Variants in NRXN1 observed in about 807,000 individuals in gnomAD.
NRXN1 encodes the protein neurexin 1, also known as neurexin-1.
Under a neutral mutation model 150.9 loss-of-function variants are expected in NRXN1, and 39 were observed. That is an observed-to-expected ratio of 0.26 (90% CI 0.20 to 0.34). The LOEUF (loss-of-function observed/expected upper bound fraction) is 0.34. Ranked by LOEUF, NRXN1 falls within the 10% of genes least tolerant of loss-of-function variation. The pLI is 1.00. For missense variants in NRXN1, 1,815 were observed against 1,949.9 expected (o/e 0.93, Z 1.30); for synonymous variants, 924 against 757.0 (o/e 1.22, Z -3.62).
chr2:50,828,860 T>C (rs1289653473), intron 5 of NRXN1, among the ~76,000 whole-genome samples: 2 of 152,134 alleles, frequency 1.3e-5, no homozygotes, highest in Admixed American at 6.5e-5. Flanking sequence ...CTCGGCACTT[T>C]GGGAGGCCAA....
intron 18 of NRXN1, among the ~76,000 whole-genome samples, chr2:50,118,729 A>G (rs1703429528): frequency 6.6e-6 from 1 of 152,166 alleles, no homozygotes; most frequent in South Asian, 2.1e-4. Flanking sequence ...GGGCGTTCCT[A>G]TGGACTTAGT....
At chr2:50,682,273 A>C (rs1445096515) in intron 5 of NRXN1, among the ~76,000 whole-genome samples, 1 of 152,174 alleles carries the variant, frequency 6.6e-6, no homozygotes, top group African/African-American at 2.4e-5. Flanking sequence ...CTTTACTTAA[A>C]AAGAATCATA....
At chr2:50,261,678 GAT>G (rs1417121773) in intron 17 of NRXN1, among the ~76,000 whole-genome samples, 3 of 151,814 alleles carry the variant, frequency 2.0e-5, no homozygotes, top group Non-Finnish European at 4.4e-5. Flanking sequence ...AATTTTGAAA[GAT>G]ATGTTAACAA....
chr2:50,206,398 T>C (rs1424094676), intron 18 of NRXN1, among the ~76,000 whole-genome samples: 1 of 152,078 alleles, frequency 6.6e-6, no homozygotes. Flanking sequence ...TGCAAATGTA[T>C]GTCAGAAGAT....
intron 2 of NRXN1, among the ~76,000 whole-genome samples, chr2:50,958,066 G>C (rs1270966254): frequency 6.6e-6 from 1 of 151,984 alleles, no homozygotes; most frequent in Admixed American, 6.6e-5. Flanking sequence ...TATTTGTCTT[G>C]CGCAATTGTC....
intron 5 of NRXN1, among the ~76,000 whole-genome samples, chr2:50,821,359 A>C (rs1233672769): frequency 1.3e-5 from 2 of 152,132 alleles, no homozygotes. Flanking sequence ...TTCTTCTTCC[A>C]ATGTGGTGAA....
At chr2:50,880,295 C>A (rs548539614) in intron 5 of NRXN1, among the ~76,000 whole-genome samples, 14 of 152,046 alleles carry the variant, frequency 9.2e-5, no homozygotes, top group African/African-American at 3.4e-4. Flanking sequence ...CTTTTGATTT[C>A]TTTTCTAACC....
intron 8 of NRXN1, among the ~76,000 whole-genome samples, chr2:50,616,863 T>A (rs1043943155): frequency 1.6e-4 from 24 of 152,178 alleles, no homozygotes; most frequent in African/African-American, 5.3e-4. Context: ...GAAGTCATAA[T>A]TAAGGGTTTA....
intron 11 of NRXN1, among the ~76,000 whole-genome samples, chr2:50,529,803 C>A (rs780137747): frequency 3.9e-4 from 59 of 152,136 alleles, no homozygotes; most frequent in African/African-American, 1.4e-3. Flanking sequence ...AACCTGTCAT[C>A]GTCACTAGAG....
intron 5 of NRXN1, among the ~76,000 whole-genome samples, chr2:50,774,932 A>T (rs1703429048): frequency 1.3e-5 from 2 of 152,172 alleles, no homozygotes; most frequent in Non-Finnish European, 2.9e-5. Context: ...AAACAATAAC[A>T]AACAAAACTT....
chr2:50,061,530 AT>A (rs1454165569), intron 19 of NRXN1, among the ~76,000 whole-genome samples: 16 of 152,200 alleles, frequency 1.1e-4, no homozygotes, highest in Non-Finnish European at 2.2e-4. Context: ...AGTATTCTAA[AT>A]CAGAGGTAAG....
intron 18 of NRXN1, among the ~76,000 whole-genome samples, chr2:50,182,330 G>A (rs2060785201): frequency 2.6e-5 from 4 of 151,940 alleles, no homozygotes; most frequent in Admixed American, 6.6e-5. Flanking sequence ...ATCAAAAAAT[G>A]TATCATTTAA....
chr2:50,638,357 A>G (rs2194386), intron 5 of NRXN1, among the ~76,000 whole-genome samples: 74,116 of 151,990 alleles, frequency 0.49, 18,675 homozygotes, highest in East Asian at 0.68. Context: ...TTTGTTAAAG[A>G]AATGGGCCTT....
At chr2:50,582,064 C>CCT (rs1672352928) in intron 8 of NRXN1, among the ~76,000 whole-genome samples, 1 of 152,078 alleles carries the variant, frequency 6.6e-6, no homozygotes, top group African/African-American at 2.4e-5. Flanking sequence ...ATACAAGCCC[C>CCT]CTGTTCGCAC....
chr2:50,690,963 A>C (rs968052282), intron 5 of NRXN1, among the ~76,000 whole-genome samples: 11 of 152,192 alleles, frequency 7.2e-5, no homozygotes, highest in African/African-American at 2.7e-4. Flanking sequence ...AATGATGATT[A>C]AGCTGAGTGT....
At chr2:51,001,327 C>T (rs2105091622) in intron 2 of NRXN1, among the ~76,000 whole-genome samples, 1 of 151,398 alleles carries the variant, frequency 6.6e-6, no homozygotes, top group South Asian at 2.1e-4. Flanking sequence ...AGTTCAAAAG[C>T]AAGCCAGAGC....
intron 5 of NRXN1, among the ~76,000 whole-genome samples, chr2:50,799,080 G>GT (rs1707235941): frequency 6.6e-6 from 1 of 152,102 alleles, no homozygotes; most frequent in African/African-American, 2.4e-5. Flanking sequence ...ATCTATATGT[G>GT]TATCTACCAT....
intron 14 of NRXN1, 63 bp from the exon 15 acceptor site, chr2:50,496,158 A>G (rs1256175554): frequency 1.5e-6 from 2 of 1,300,460 alleles, no homozygotes; most frequent in Non-Finnish European, 2.1e-6. Flanking sequence ...AACCTAAAGT[A>G]GATATTACAA....
intron 2 of NRXN1, among the ~76,000 whole-genome samples, chr2:51,020,770 A>T (rs926162858): frequency 6.6e-6 from 1 of 151,988 alleles, no homozygotes; most frequent in South Asian, 2.1e-4. Flanking sequence ...GTAAAGTCCC[A>T]CCTGGAATTT....
Sources: allele counts gnomAD v4.1 joint callset (sites outside exome capture counted in the v4.1 genomes callset), GRCh38; gene constraint gnomAD v4.1.1; transcripts MANE v1.5; gene names NCBI Gene and HGNC (gene_info 2026-07-23, HGNC 2026-07-21).